The following NUP58 variants were observed in gnomAD, a reference collection of about 807,000 sequenced individuals.
NUP58 encodes the protein nucleoporin 58.
Under a neutral mutation model 70.1 loss-of-function variants are expected in NUP58, and 17 were observed. The ratio of observed to expected loss-of-function variants is 0.24; its 90% confidence interval spans 0.17 to 0.36. The LOEUF is 0.36. Among genes scored for constraint, NUP58 ranks in the 10% least tolerant of loss-of-function variants. The pLI, the probability that NUP58 is intolerant of heterozygous loss-of-function variation, is 1.00. For synonymous variants in NUP58, 275 were observed against 257.6 expected, an observed-to-expected ratio of 1.07 and a Z score of -0.65; for missense variants, 644 against 701.5, an observed-to-expected ratio of 0.92 and a Z score of 0.93.
chr13:25,346,795 A>G (rs1187966457), downstream of NUP58, among the ~76,000 whole-genome samples: 3 of 152,080 alleles, frequency 2.0e-5, no homozygotes. Flanking sequence ...AATCAAGAAA[A>G]TAGGTGGCTT....
chr13:25,335,762 T>G (rs1389564663), intron 13 of NUP58: 2 of 983,638 alleles, frequency 2.0e-6, no homozygotes, highest in Non-Finnish European at 2.4e-6. Flanking sequence ...ACAAACCTCA[T>G]TCTTCATTGG....
intron 5 of NUP58, among the ~76,000 whole-genome samples, chr13:25,314,586 T>A (rs898064905): frequency 5.3e-5 from 8 of 152,072 alleles, no homozygotes; most frequent in Non-Finnish European, 1.2e-4. Context: ...TCCAAGCTGT[T>A]TGGGAGGCTG....
intron 12 of NUP58, among the ~76,000 whole-genome samples, chr13:25,328,347 A>G (rs767173931): frequency 6.6e-6 from 1 of 152,090 alleles, no homozygotes; most frequent in Non-Finnish European, 1.5e-5. Flanking sequence ...TGTTTATTAA[A>G]TAGTGTAAAT....
intron 9 of NUP58, 86 bp from the exon 10 acceptor site, chr13:25,324,903 A>G: frequency 3.5e-6 from 3 of 858,296 alleles, no homozygotes; most frequent in Non-Finnish European, 5.6e-6. Context: ...TTCAGTCCAG[A>G]GACTGAATAT....
At chr13:25,334,041 A>G (rs2031700518) in intron 13 of NUP58, 1 of 859,128 alleles carries the variant, frequency 1.2e-6, no homozygotes, top group Non-Finnish European at 1.4e-6. Context: ...TCCTCCTTCA[A>G]TTTTTTTTTT....
intron 5 of NUP58, among the ~76,000 whole-genome samples, chr13:25,314,395 T>C (rs1486084396): frequency 6.6e-6 from 1 of 152,092 alleles, no homozygotes; most frequent in Non-Finnish European, 1.5e-5. Flanking sequence ...CATGGTCTTA[T>C]AAAAGTATAG....
intron 3 of NUP58, among the ~76,000 whole-genome samples, chr13:25,348,569 C>A (rs2032075211): frequency 6.6e-6 from 1 of 152,132 alleles, no homozygotes; most frequent in Non-Finnish European, 1.5e-5. Context: ...CACCATCACA[C>A]CTGGCTAGTA....
At chr13:25,320,746 C>T in intron 8 of NUP58, 151 bp downstream of exon 8, 1 of 758,800 alleles carries the variant, frequency 1.3e-6, no homozygotes, top group Non-Finnish European at 2.1e-6. Flanking sequence ...AGAAAAAAAG[C>T]AGAACAACAG....
Position 25,325,073 on chromosome 13 carries a change from G to A in NUP58, c.1031+5G>A. ...TGAATATGCAGCTCCTGCTGAGTAA[G>A]TTGCTGGATTTTTAAAAACAAATGT... On this transcript the variant is annotated splice_donor_5th_base_variant and intron_variant, in intron 10 of 15. Transcript: ENST00000381736. 6.3e-7 allele frequency: 1 copy of A among 1,596,988 alleles called. No individual in the cohort carries two copies.
intron 7 of NUP58, 69 bp from the exon 8 acceptor site, chr13:25,320,461 C>CTAT: frequency 9.6e-7 from 1 of 1,043,126 alleles, no homozygotes. Context: ...CTCTAATACT[C>CTAT]TATTAAAACT....
chr13:25,345,510 C>G (rs2032038016), downstream of NUP58, among the ~76,000 whole-genome samples: 1 of 40,604 alleles, frequency 2.5e-5, no homozygotes, highest in Non-Finnish European at 1.9e-4. Flanking sequence ...CCATCTTTGA[C>G]CTTTTCTTGC....
At chr13:25,306,504 C>T (rs1024305877) in intron 1 of NUP58, among the ~76,000 whole-genome samples, 4 of 151,268 alleles carry the variant, frequency 2.6e-5, no homozygotes, top group African/African-American at 9.7e-5. Flanking sequence ...AGTACCAGAA[C>T]ATGGGGGGAT....
chr13:25,343,329 T>C (rs2032001450), downstream of NUP58, among the ~76,000 whole-genome samples: 1 of 151,536 alleles, frequency 6.6e-6, no homozygotes, highest in South Asian at 2.1e-4. Context: ...TTATTTAAAT[T>C]TATTATTATT....
intron 11 of NUP58, 55 bp from the exon 12 acceptor site, chr13:25,327,375 G>A: frequency 8.7e-7 from 1 of 1,146,552 alleles, no homozygotes; most frequent in Middle Eastern, 2.6e-4. Flanking sequence ...AAAATAAAAT[G>A]GATTGTGCTA....
chr13:25,315,429 TTGG>T lies in NUP58; in HGVS notation c.652_654del (p.Gly218del). 6.2e-7 allele frequency: 1 copy of T among 1,613,830 alleles called. No individual in the cohort carries two copies. The highest frequency in any genetic ancestry group is 8.5e-7 in the Non-Finnish European group (1 of 1,179,750). ...ACTTCAACTGCAGGCAATGAAGGCC[TTGG>T]TGGTATAGATTTCAGTAGCTCCTCA... On this transcript the variant is annotated inframe_deletion, in exon 6 of 16. Coordinates refer to ENST00000381736, the MANE Select transcript of NUP58 (RefSeq NM_014089.4).
chr13:25,316,691 C>T (rs1457487704), intron 6 of NUP58, among the ~76,000 whole-genome samples: 1 of 152,158 alleles, frequency 6.6e-6, no homozygotes, highest in Non-Finnish European at 1.5e-5. Flanking sequence ...CTTGGTACCA[C>T]TTCTATTACT....
intron 6 of NUP58, among the ~76,000 whole-genome samples, chr13:25,318,329 G>C (rs1566062617): frequency 6.6e-6 from 1 of 151,794 alleles, no homozygotes; most frequent in East Asian, 1.9e-4. Flanking sequence ...CTCCGTCTCA[G>C]AAATAAAAAA....
chr13:25,334,861 A>G, intron 13 of NUP58: 1 of 984,648 alleles, frequency 1.0e-6, no homozygotes, highest in Non-Finnish European at 1.2e-6. Context: ...TGAAGATTTC[A>G]CTTTGGCCAG....
chr13:25,337,273 ATGTT>A (rs1342734349), intron 14 of NUP58, among the ~76,000 whole-genome samples: 1 of 152,192 alleles, frequency 6.6e-6, no homozygotes, highest in Non-Finnish European at 1.5e-5. Flanking sequence ...AGGCATGTTC[ATGTT>A]TTCAAAGCAA....
Sources: allele counts gnomAD v4.1 joint callset (sites outside exome capture counted in the v4.1 genomes callset), GRCh38; gene constraint gnomAD v4.1.1; transcripts MANE v1.5; gene names NCBI Gene and HGNC (gene_info 2026-07-23, HGNC 2026-07-21).